Variants in KCNB2 observed in about 807,000 individuals in gnomAD.
KCNB2 encodes the protein delayed rectifier potassium channel protein.
Under a neutral mutation model 61.5 loss-of-function variants are expected in KCNB2, and 15 were observed. The ratio of observed to expected loss-of-function variants is 0.24; its 90% CI spans 0.16 to 0.38. The LOEUF (loss-of-function observed/expected upper bound fraction) is 0.38. Ranked by LOEUF, KCNB2 falls within the 10% of genes least tolerant of loss-of-function variation. The pLI is 1.00. For synonymous variants in KCNB2, 457 were observed against 446.0 expected (o/e 1.02, Z -0.31); for missense variants, 828 against 1,125.2 (o/e 0.74, Z 3.78).
chr8:72,814,134 G>A (rs770708936), intron 2 of KCNB2, among the ~76,000 whole-genome samples: 4 of 151,886 alleles, frequency 2.6e-5, no homozygotes, highest in Non-Finnish European at 5.9e-5. Flanking sequence ...AGTTTCTTTT[G>A]TTTGATGTTA....
intron 2 of KCNB2, among the ~76,000 whole-genome samples, chr8:72,594,421 G>A (rs1452468979): frequency 6.6e-6 from 1 of 152,152 alleles, no homozygotes; most frequent in African/African-American, 2.4e-5. Flanking sequence ...TTGTTAAACT[G>A]CTTTAGCTTG....
intron 2 of KCNB2, among the ~76,000 whole-genome samples, chr8:72,717,299 T>C (rs1158609264): frequency 6.6e-6 from 1 of 152,126 alleles, no homozygotes; most frequent in African/African-American, 2.4e-5. Flanking sequence ...CTTCACAGAA[T>C]TGGAAAAAAC....
chr8:72,738,421 C>G (rs1807887568), intron 2 of KCNB2, among the ~76,000 whole-genome samples: 1 of 152,314 alleles, frequency 6.6e-6, no homozygotes, highest in African/African-American at 2.4e-5. Context: ...AAAGTGACTT[C>G]TAAGATTGTT....
chr8:72,801,979 G>A (rs574473380), intron 2 of KCNB2, among the ~76,000 whole-genome samples: 1 of 152,280 alleles, frequency 6.6e-6, no homozygotes, highest in South Asian at 2.1e-4. Context: ...TTAAGTAACT[G>A]ATTTCCTTAT....
intron 2 of KCNB2, among the ~76,000 whole-genome samples, chr8:72,854,809 G>A (rs1810179495): frequency 6.6e-6 from 1 of 152,036 alleles, no homozygotes; most frequent in Admixed American, 6.6e-5. Flanking sequence ...GGCAGGAGGG[G>A]ACATGGTCAA....
intron 2 of KCNB2, among the ~76,000 whole-genome samples, chr8:72,720,607 A>C (rs1807532668): frequency 6.6e-6 from 1 of 152,156 alleles, no homozygotes; most frequent in Admixed American, 6.5e-5. Context: ...CATTACACTT[A>C]GTTGTCTGCA....
At chr8:72,646,689 G>A (rs1196529773) in intron 2 of KCNB2, among the ~76,000 whole-genome samples, 1 of 152,144 alleles carries the variant, frequency 6.6e-6, no homozygotes, top group Non-Finnish European at 1.5e-5. Context: ...CAAATTCATA[G>A]AGGCAGAACA....
intron 2 of KCNB2, among the ~76,000 whole-genome samples, chr8:72,916,970 G>A (rs78248934): frequency 0.012 from 1,875 of 152,254 alleles, 45 homozygotes; most frequent in African/African-American, 0.042. Flanking sequence ...ACCATGGGTG[G>A]TTTGAGAAAA....
intron 2 of KCNB2, among the ~76,000 whole-genome samples, chr8:72,688,026 A>G (rs1302437356): frequency 6.6e-6 from 1 of 152,200 alleles, no homozygotes; most frequent in Non-Finnish European, 1.5e-5. Context: ...TACTGGAGAT[A>G]GAACCTCTTT....
intron 2 of KCNB2, among the ~76,000 whole-genome samples, chr8:72,872,292 A>G (rs149631570): frequency 6.6e-6 from 1 of 152,326 alleles, no homozygotes; most frequent in East Asian, 1.9e-4. Context: ...CTCAGCAGAA[A>G]GAGCTCTGAC....
Position 72,935,927 on chromosome 8 carries a change from T to C in KCNB2, c.580-8T>C. 1.9e-6 allele frequency: 3 copies of C among 1,607,586 alleles called. No individual in the cohort carries two copies. The East Asian group carries it at 6.7e-5, about 36-fold the overall frequency. ...GGATTTGCTGACTTGGACTTTTCTC[T>C]TTTCCAGATCCTGGCCATCGTGTCT... is the stretch of plus-strand genomic sequence containing the variant. On this transcript the variant is annotated splice_polypyrimidine_tract_variant and splice_region_variant and intron_variant, in intron 2 of 2. Coordinates refer to ENST00000523207, the MANE Select transcript of KCNB2 (RefSeq NM_004770.3).
intron 2 of KCNB2, among the ~76,000 whole-genome samples, chr8:72,690,968 G>A (rs911466636): frequency 3.9e-5 from 6 of 152,144 alleles, no homozygotes; most frequent in African/African-American, 1.2e-4. Flanking sequence ...GATGCCTGTC[G>A]TATTTGAAAT....
Position 72,614,779 on chromosome 8 carries a change from C to T in KCNB2, c.579+46466C>T, listed in dbSNP as rs374842562. ...CTTATTTCACTTCTTAAATAATTTC[C>T]TGTCCCCACTCCATTCTGACAGAAA... On this transcript the variant is annotated intron_variant, in intron 2 of 2. Coordinates refer to ENST00000523207, the MANE Select transcript of KCNB2 (RefSeq NM_004770.3). Among the ~76,000 whole-genome samples, 29 of 152,272 alleles carry T rather than the reference C, an allele frequency of 1.9e-4. 1 individual carries two copies. In the East Asian group the frequency reaches 4.6e-3, roughly 24 times the overall value.
chr8:72,544,371 G>A (rs1433429631), intron 1 of KCNB2, among the ~76,000 whole-genome samples: 1 of 152,162 alleles, frequency 6.6e-6, no homozygotes, highest in East Asian at 1.9e-4. Context: ...TTGGGGGAGA[G>A]AGGGTCAATG....
chr8:72,840,089 T>G (rs1809855060), intron 2 of KCNB2, among the ~76,000 whole-genome samples: 1 of 152,080 alleles, frequency 6.6e-6, no homozygotes, highest in African/African-American at 2.4e-5. Context: ...GGCTCAGGTG[T>G]GTGATGTTCC....
chr8:72,678,739 C>T (rs549546750), intron 2 of KCNB2, among the ~76,000 whole-genome samples: 2 of 152,210 alleles, frequency 1.3e-5, no homozygotes, highest in Non-Finnish European at 2.9e-5. Flanking sequence ...AGAACAGATC[C>T]TGGCACATAA....
chr8:72,810,913 G>A (rs567927376), intron 2 of KCNB2, among the ~76,000 whole-genome samples: 2 of 152,304 alleles, frequency 1.3e-5, no homozygotes, highest in South Asian at 4.1e-4. Flanking sequence ...CATCTGTTAT[G>A]TCAGTTATGG....
At chr8:72,842,109 C>T (rs55714396) in intron 2 of KCNB2, among the ~76,000 whole-genome samples, 6 of 53,384 alleles carry the variant, frequency 1.1e-4, no homozygotes, top group African/African-American at 2.9e-4. Flanking sequence ...TCACCAATAC[C>T]TAGTTTATTG....
intron 2 of KCNB2, among the ~76,000 whole-genome samples, chr8:72,782,906 C>CT (rs1481607899): frequency 2.0e-5 from 3 of 152,066 alleles, no homozygotes; most frequent in Non-Finnish European, 4.4e-5. Flanking sequence ...GTTTAAGAAC[C>CT]TTTCAAGCAA....
Sources: allele counts gnomAD v4.1 joint callset (sites outside exome capture counted in the v4.1 genomes callset), GRCh38; gene constraint gnomAD v4.1.1; transcripts MANE v1.5; gene names NCBI Gene and HGNC (gene_info 2026-07-23, HGNC 2026-07-21).